The following TPCN1 variants were observed in gnomAD, a reference collection of about 807,000 sequenced individuals.
TPCN1 encodes two pore segment channel 1.
In TPCN1, 52 loss-of-function variants were observed where a neutral mutation model predicts 108.8. The observed-to-expected ratio is 0.48, with a 90% confidence interval of 0.38 to 0.60. The LOEUF (loss-of-function observed/expected upper bound fraction) is 0.60, where lower values mean the gene tolerates loss of function less well. Among genes scored for constraint, TPCN1 ranks in the 20% least tolerant of loss-of-function variants. The pLI is 0.00. For missense variants in TPCN1, 806 were observed against 1,072.8 expected (o/e 0.75, Z 3.47); for synonymous variants, 446 against 433.7 (o/e 1.03, Z -0.35).
intron 2 of TPCN1, among the ~76,000 whole-genome samples, chr12:113,251,582 C>T (rs1367569336): frequency 1.1e-4 from 17 of 152,224 alleles, no homozygotes; most frequent in Admixed American, 8.5e-4. Context: ...CTCGCTGTCC[C>T]GTGGGGGGGC....
Position 113,267,960 on chromosome 12 carries a change from A to T in TPCN1, c.528+4A>T. On this transcript the variant is annotated splice_donor_region_variant and intron_variant, in intron 5 of 27. Coordinates refer to ENST00000335509, the MANE Select transcript of TPCN1 (RefSeq NM_017901.6). ...GCACAAGCGGACCATGGTCAAGGTG[A>T]TGTGTCCGCCCATCTGTCCCTCCCC... 1 of 1,599,200 alleles carries T rather than the reference A, an allele frequency of 6.3e-7. No individual in the cohort carries two copies.
At position 113,288,097 on chromosome 12, in the gene TPCN1, T is replaced by G; in HGVS notation, c.1635-66T>G. 4 of 1,474,842 alleles carry G rather than the reference T, an allele frequency of 2.7e-6. No individual in the cohort carries two copies. The highest frequency in any genetic ancestry group is 2.1e-4 in the Middle Eastern group (1 of 4,720). The allele number at this position is 1,474,842 out of a possible 1,614,324, so 91.4% of individuals were successfully genotyped here. A position where few individuals can be genotyped will look rare whatever the true frequency, so the allele number is the denominator to read the frequency against. On this transcript the variant is annotated intron_variant, in intron 19 of 27. Transcript: ENST00000335509. This position sits in a 1 kb window ranked among gnomAD's most constrained non-coding sequence, Gnocchi z 4.8. Reference sequence around the variant, plus strand: ...TGGCGTGTGGAAGGCGGGGCCGGCATGTTCTGAGGGCGGGGGCTGAGGCGT... The same window carrying G: ...TGGCGTGTGGAAGGCGGGGCCGGCAGGTTCTGAGGGCGGGGGCTGAGGCGT...
chr12:113,279,337 GTA>G (rs1453740057), intron 14 of TPCN1, among the ~76,000 whole-genome samples: 29 of 100,456 alleles, frequency 2.9e-4, no homozygotes, highest in South Asian at 1.3e-3. Flanking sequence ...GTGTGTGTGT[GTA>G]TATATATGTG....
Position 113,266,156 on chromosome 12 carries a change from C to T in TPCN1, c.238-24C>T, listed in dbSNP as rs1267152806. 4.3e-6 allele frequency: 7 copies of T among 1,612,346 alleles called. No individual in the cohort carries two copies. The highest frequency in any genetic ancestry group is 5.9e-6 in the Non-Finnish European group (7 of 1,179,022). ...TTGGATGGGTCTCCAGGCTTACATGCCCACACTACTCTCATCTTTTCAGGA... is the reference window on the plus strand; with the variant it reads ...TTGGATGGGTCTCCAGGCTTACATGTCCACACTACTCTCATCTTTTCAGGA... On this transcript the variant is annotated intron_variant, in intron 3 of 27. Coordinates refer to ENST00000335509, the MANE Select transcript of TPCN1 (RefSeq NM_017901.6). The surrounding 1 kb of genome is among the most constrained non-coding windows in gnomAD (Gnocchi z 4.2).
chr12:113,237,442 C>T (rs375052947), intron 2 of TPCN1, among the ~76,000 whole-genome samples: 1 of 152,100 alleles, frequency 6.6e-6, no homozygotes, highest in Non-Finnish European at 1.5e-5. Flanking sequence ...CTGCAACCTC[C>T]GCCTTCCGGG....
chr12:113,269,743 C>G lies in TPCN1; in HGVS notation c.660-14C>G. On this transcript the variant is annotated splice_polypyrimidine_tract_variant and intron_variant, in intron 6 of 27. Coordinates refer to ENST00000335509, the MANE Select transcript of TPCN1 (RefSeq NM_017901.6). This position sits in a 1 kb window ranked among gnomAD's most constrained non-coding sequence, Gnocchi z 5.0. ...CAGCTGGTGCCTCCCCTGAGCTGGC[C>G]CATCTCTCCCCAGCAACCTGCGGCA... 1 of 1,612,312 alleles carries G rather than the reference C, an allele frequency of 6.2e-7. No individual in the cohort carries two copies. The highest frequency in any genetic ancestry group is 8.5e-7 in the Non-Finnish European group (1 of 1,179,636).
chr12:113,269,714 G>T lies in TPCN1; in HGVS notation c.660-43G>T, dbSNP rs752158042. On this transcript the variant is annotated intron_variant, in intron 6 of 27. Transcript: ENST00000335509. The surrounding 1 kb of genome is among the most constrained non-coding windows in gnomAD (Gnocchi z 5.0). ...AACAAGGAGGAGTCCCAGGCAGCCCGCCCCAGCTGGTGCCTCCCCTGAGCT... is the reference window on the plus strand; with the variant it reads ...AACAAGGAGGAGTCCCAGGCAGCCCTCCCCAGCTGGTGCCTCCCCTGAGCT... 1.4e-5 allele frequency: 22 copies of T among 1,581,706 alleles called. No individual in the cohort carries two copies. Among genetic ancestry groups the T allele is most frequent in the Non-Finnish European group, 1.6e-5 (19 of 1,155,356 alleles).
chr12:113,248,150 G>C (rs911922755), intron 2 of TPCN1, among the ~76,000 whole-genome samples: 4 of 152,224 alleles, frequency 2.6e-5, no homozygotes, highest in Non-Finnish European at 5.9e-5. Context: ...TGCACCCCGG[G>C]TGGAGCCCGC....
In TPCN1 at chr12:113,231,022, C is replaced by A. The variant is rs543355691; in HGVS notation, c.112+4058C>A. On this transcript the variant is annotated intron_variant, in intron 2 of 27. Coordinates refer to ENST00000335509, the MANE Select transcript of TPCN1 (RefSeq NM_017901.6). The surrounding 1 kb of genome is among the most constrained non-coding windows in gnomAD (Gnocchi z 4.3). ...TTGGTTGCTGTAAACCTTTGAAGTA[C>A]TAAGGAGTTGGCAGAATGCAGATGC... 1.3e-5 allele frequency among the ~76,000 whole-genome samples: 2 copies of A among 152,218 alleles called. No homozygotes were observed. Among genetic ancestry groups the A allele is most frequent in the Non-Finnish European group, 2.9e-5 (2 of 68,034 alleles).
intron 2 of TPCN1, among the ~76,000 whole-genome samples, chr12:113,248,620 A>G (rs1310795467): frequency 6.6e-6 from 1 of 152,204 alleles, no homozygotes; most frequent in African/African-American, 2.4e-5. Flanking sequence ...TGTTCCAGGC[A>G]CGTTTCAGAA....
chr12:113,290,860 C>T (rs1956243881), intron 22 of TPCN1, 92 bp from the exon 23 acceptor site: 2 of 1,233,068 alleles, frequency 1.6e-6, no homozygotes, highest in Non-Finnish European at 2.4e-6. Flanking sequence ...CATCTTAGCA[C>T]ATGGCACCCA....
At chr12:113,294,295 C>T (rs555647933) in intron 27 of TPCN1, 3 of 152,224 alleles carry the variant, frequency 2.0e-5, no homozygotes, top group Admixed American at 2.0e-4. Context: ...GTCTCAAACT[C>T]CTGGTCTCAA....
intron 18 of TPCN1, among the ~76,000 whole-genome samples, chr12:113,286,423 C>T (rs1044843891): frequency 3.3e-5 from 5 of 152,140 alleles, no homozygotes; most frequent in Admixed American, 6.5e-5. Context: ...GGTCTTGGGC[C>T]GCGAGGGTGA....
intron 2 of TPCN1, among the ~76,000 whole-genome samples, chr12:113,241,382 C>T (rs920522335): frequency 2.6e-5 from 4 of 152,220 alleles, no homozygotes; most frequent in Non-Finnish European, 5.9e-5. Context: ...GATCCAGGTG[C>T]TGGGGCGTGG....
Position 113,289,952 on chromosome 12 carries a change from G to A in TPCN1, c.1797-176G>A. On this transcript the variant is annotated intron_variant, in intron 21 of 27. Coordinates refer to ENST00000335509, the MANE Select transcript of TPCN1 (RefSeq NM_017901.6). This position sits in a 1 kb window ranked among gnomAD's most constrained non-coding sequence, Gnocchi z 4.1. ...GCCCAGCAGGCAGGAATAGCCAAGG[G>A]CATTCCTTCAGCAGGGACCCAGGCA... is the stretch of plus-strand genomic sequence containing the variant. 1 of 556,122 alleles carries A rather than the reference G, an allele frequency of 1.8e-6. No individual in the cohort carries two copies. The highest frequency in any genetic ancestry group is 3.2e-6 in the Non-Finnish European group (1 of 313,354). 34.4% of individuals were successfully genotyped at this position (556,122 alleles called of 1,614,324 possible).
intron 24 of TPCN1, 51 bp from the exon 25 acceptor site, chr12:113,291,823 C>A: frequency 6.4e-7 from 1 of 1,554,970 alleles, no homozygotes; most frequent in Non-Finnish European, 8.9e-7. Context: ...CCACGGACAC[C>A]TACCCACCCT....
Position 113,266,339 on chromosome 12 carries a change from C to G in TPCN1, c.397C>G (p.Leu133Val), listed in dbSNP as rs778553842. 22 of 1,608,282 alleles carry G rather than the reference C, an allele frequency of 1.4e-5. No individual in the cohort carries two copies. The highest frequency in any genetic ancestry group is 3.4e-6 in the Non-Finnish European group (4 of 1,180,002). The change falls in exon 4 of 28, where the codon CTC becomes GTC. Residue 133 changes from leucine to valine, a missense_variant. By Grantham distance (32) the Leu-to-Val change is conservative (BLOSUM62 1). Transcript: ENST00000335509. The surrounding 1 kb of genome is among the most constrained non-coding windows in gnomAD (Gnocchi z 4.2). ...GTGCGAGGCCCCCGCCGTCCCCGCACTCCGGCTTGGCATCTATGTGAGCGC... is the reference window on the plus strand; with the variant it reads ...GTGCGAGGCCCCCGCCGTCCCCGCAGTCCGGCTTGGCATCTATGTGAGCGC... ...SLCEAPAVPA[L>V]RLGIYVHATL... is the part of the protein sequence containing the mutation.
chr12:113,291,009 G>C lies in TPCN1; in HGVS notation c.1959+11G>C. The C allele has an allele frequency of 6.2e-7, 1 of 1,612,918 alleles. No homozygotes were observed. Among genetic ancestry groups the C allele is most frequent in the Non-Finnish European group, 8.5e-7 (1 of 1,179,586 alleles). ...TGGTACATCATCATGGTAAGAGCTC[G>C]GGCAGCTCTGGGGGTATCTTCCCGC... On this transcript the variant is annotated intron_variant, in intron 23 of 27. Transcript: ENST00000335509.
intron 27 of TPCN1, among the ~76,000 whole-genome samples, chr12:113,294,789 AG>A (rs1956374868): frequency 6.6e-6 from 1 of 152,206 alleles, no homozygotes; most frequent in African/African-American, 2.4e-5. Flanking sequence ...TGAGCCCTGC[AG>A]AGTCTTCTCA....
Sources: gnomAD v4.1 joint callset for allele counts (sites outside exome capture counted in the v4.1 genomes callset) on GRCh38, gnomAD v4.1.1 for gene constraint, Gnocchi (gnomAD v3.1) non-coding constraint, MANE v1.5 for transcripts, NCBI Gene and HGNC (gene_info 2026-07-23, HGNC 2026-07-21) for gene names.